Variants in FRK observed in about 807,000 individuals in gnomAD.
The protein encoded by FRK is tyrosine-protein kinase FRK.
FRK carries 51 observed loss-of-function variants against 56.4 expected under a neutral mutation model. That is an observed-to-expected ratio of 0.90 (90% confidence interval 0.72 to 1.14). FRK has a LOEUF of 1.14. FRK is among the 50% of genes most tolerant of loss of function. The pLI is 0.00. For synonymous variants in FRK, 245 were observed against 217.9 expected, an observed-to-expected ratio of 1.12 and a Z score of -1.10; for missense variants, 570 against 601.4, an observed-to-expected ratio of 0.95 and a Z score of 0.55.
At chr6:115,996,354 C>T (rs1774840212) in intron 2 of FRK, among the ~76,000 whole-genome samples, 1 of 152,096 alleles carries the variant, frequency 6.6e-6, no homozygotes, top group Non-Finnish European at 1.5e-5. Context: ...ATTCGAATGA[C>T]TCTGAAGATC....
chr6:116,065,812 A>G (rs909047152), upstream of FRK, among the ~76,000 whole-genome samples: 32 of 152,196 alleles, frequency 2.1e-4, no homozygotes, highest in African/African-American at 7.5e-4. Flanking sequence ...ACACTCAATA[A>G]ATATATGTTG....
chr6:115,997,274 A>G (rs1428382650), intron 2 of FRK, among the ~76,000 whole-genome samples: 1 of 152,170 alleles, frequency 6.6e-6, no homozygotes, highest in Admixed American at 6.5e-5. Flanking sequence ...CCATTAAACT[A>G]TGCCACTAGA....
chr6:116,033,154 A>G (rs544747397), intron 1 of FRK, among the ~76,000 whole-genome samples: 3 of 119,456 alleles, frequency 2.5e-5, no homozygotes, highest in African/African-American at 6.4e-5. Flanking sequence ...CCAGTTATTA[A>G]TAAGATCAAT....
Position 115,943,204 on chromosome 6 carries a change from A to G in FRK, c.1141-19T>C. The G allele has an allele frequency of 6.4e-7, 1 of 1,562,378 alleles. No individual in the cohort carries two copies. The highest frequency in any genetic ancestry group is 8.6e-7 in the Non-Finnish European group (1 of 1,158,784). ...TATCTACCTGTTCATGTATTAAGGA[A>G]TCAGGCCGAGTTAAAGCAATTTTTT... On this transcript the variant is annotated intron_variant, in intron 6 of 7. Transcript: ENST00000606080.
intron 1 of FRK, chr6:116,039,608 G>A (rs1222510728): frequency 9.2e-5 from 71 of 774,856 alleles, no homozygotes; most frequent in Non-Finnish European, 4.8e-6. Flanking sequence ...GCCCCCTCTT[G>A]CGGCCTCATC....
upstream of FRK, among the ~76,000 whole-genome samples, chr6:116,061,747 A>G (rs1777631336): frequency 1.3e-5 from 2 of 152,302 alleles, no homozygotes; most frequent in African/African-American, 2.4e-5. Flanking sequence ...CAGCATTGCA[A>G]ACTTGTTTAT....
At chr6:116,087,971 G>A in the FRK span, among the ~76,000 whole-genome samples, 23 of 152,146 alleles carry the variant, frequency 1.5e-4, no homozygotes, top group Middle Eastern at 3.2e-3. Flanking sequence ...GTACAAGCAC[G>A]GCCTGAAAGT....
At chr6:115,988,396 G>T (rs9400884) in intron 2 of FRK, among the ~76,000 whole-genome samples, 1 of 151,884 alleles carries the variant, frequency 6.6e-6, no homozygotes, top group African/African-American at 2.4e-5. Context: ...ATTTTTTGAC[G>T]TTCATAAAGC....
At chr6:116,067,597 A>G in the FRK span, among the ~76,000 whole-genome samples, 1 of 152,212 alleles carries the variant, frequency 6.6e-6, no homozygotes, top group African/African-American at 2.4e-5. Flanking sequence ...ATAACAAAAA[A>G]CATTTTTATT....
intron 3 of FRK, among the ~76,000 whole-genome samples, 184 bp from the exon 4 acceptor site, chr6:115,967,903 A>C (rs1290882836): frequency 6.6e-6 from 1 of 152,164 alleles, no homozygotes; most frequent in African/African-American, 2.4e-5. Flanking sequence ...TTAACTCTTC[A>C]AATTGATCTT....
the FRK span, among the ~76,000 whole-genome samples, chr6:116,070,734 C>T: frequency 1.3e-5 from 2 of 152,042 alleles, no homozygotes; most frequent in African/African-American, 4.8e-5. Context: ...ACAAATGCAC[C>T]GTTTCTTACT....
chr6:115,932,450 T>C lies in FRK; in HGVS notation c.*9964A>G, dbSNP rs527897342. 17 of 152,208 alleles carry C rather than the reference T, an allele frequency of 1.1e-4. No individual in the cohort carries two copies. The highest frequency in any genetic ancestry group is 2.2e-4 in the Non-Finnish European group (15 of 68,042). 9.4% of individuals were successfully genotyped at this position (152,208 alleles called of 1,614,324 possible). On this transcript the variant is annotated 3_prime_UTR_variant, in exon 8 of 8. Transcript: ENST00000606080. ...TCCAGAAAAAACAAGAATCAAACATTGTCAGATCAGCCCACTGGCAATTCC... is the reference window on the plus strand; with the variant it reads ...TCCAGAAAAAACAAGAATCAAACATCGTCAGATCAGCCCACTGGCAATTCC...
chr6:116,057,977 C>T (rs539391504), intron 1 of FRK, among the ~76,000 whole-genome samples: 14 of 152,230 alleles, frequency 9.2e-5, no homozygotes, highest in East Asian at 7.7e-4. Flanking sequence ...CCACTACATA[C>T]GAACATAAGA....
chr6:115,979,026 C>A (rs191239211), intron 2 of FRK, among the ~76,000 whole-genome samples: 25 of 148,566 alleles, frequency 1.7e-4, no homozygotes, highest in African/African-American at 6.2e-4. Context: ...TGTACTCTAG[C>A]GTGGACAACA....
the FRK span, among the ~76,000 whole-genome samples, chr6:116,081,856 G>A: frequency 2.6e-5 from 4 of 152,052 alleles, no homozygotes; most frequent in African/African-American, 4.8e-5. Flanking sequence ...TTCAGCATAG[G>A]CACACACCAA....
At chr6:116,039,846 C>T (rs1217414717) in intron 1 of FRK, among the ~76,000 whole-genome samples, 1 of 151,842 alleles carries the variant, frequency 6.6e-6, no homozygotes, top group African/African-American at 2.4e-5. Flanking sequence ...AGATCCTCCC[C>T]TCGGAAGCCA....
chr6:116,038,166 A>C (rs1762978104), intron 1 of FRK, among the ~76,000 whole-genome samples: 1 of 152,230 alleles, frequency 6.6e-6, no homozygotes, highest in Admixed American at 6.5e-5. Context: ...ACATTCATTA[A>C]TTACAATTCT....
At chr6:116,047,936 A>G (rs1158007912) in intron 1 of FRK, among the ~76,000 whole-genome samples, 3 of 152,260 alleles carry the variant, frequency 2.0e-5, no homozygotes, top group Non-Finnish European at 4.4e-5. Context: ...GACTACCCCA[A>G]GAATGCAGAT....
upstream of FRK, among the ~76,000 whole-genome samples, chr6:116,061,399 AACACACACAC>A (rs3049929): frequency 1.9e-3 from 282 of 146,678 alleles, 1 homozygote; most frequent in African/African-American, 6.7e-3. Flanking sequence ...CTATTTGGGA[AACACACACAC>A]ACACACACAC....
Sources: allele counts gnomAD v4.1 joint callset (sites outside exome capture counted in the v4.1 genomes callset), GRCh38; gene constraint gnomAD v4.1.1; transcripts MANE v1.5; gene names NCBI Gene and HGNC (gene_info 2026-07-23, HGNC 2026-07-21).